The following OTOGL variants were observed in gnomAD, a reference collection of about 807,000 sequenced individuals.
OTOGL encodes otogelin-like protein.
A neutral mutation model predicts 318.5 loss-of-function variants in OTOGL; 285 were observed. The observed-to-expected ratio is 0.89, with a 90% CI of 0.81 to 0.99. The LOEUF (loss-of-function observed/expected upper bound fraction) is 0.99. OTOGL is among the 50% of genes least tolerant of loss of function. The probability of loss-of-function intolerance (pLI) is 0.00; values close to 1 mark genes in which losing one functional copy is unlikely to be tolerated. For missense variants in OTOGL, 2,899 were observed against 2,845.6 expected (o/e 1.02, Z -0.43); for synonymous variants, 987 against 936.5 (o/e 1.05, Z -0.99).
intron 52 of OTOGL, among the ~76,000 whole-genome samples, chr12:80,362,675 A>T (rs1890305064): frequency 6.6e-6 from 1 of 152,210 alleles, no homozygotes; most frequent in South Asian, 2.1e-4. Flanking sequence ...TCAGAATGTT[A>T]ATCACATTAT....
chr12:80,201,205 C>G (rs1374561271), intron 1 of OTOGL, among the ~76,000 whole-genome samples: 2 of 152,080 alleles, frequency 1.3e-5, no homozygotes, highest in African/African-American at 2.4e-5. Context: ...TGGTTGGAGT[C>G]TGTGTTGGTC....
intron 55 of OTOGL, 45 bp downstream of exon 55, chr12:80,368,354 G>A (rs372711025): frequency 2.1e-6 from 3 of 1,457,566 alleles, no homozygotes; most frequent in South Asian, 1.2e-5. Flanking sequence ...TTCTGAAGGA[G>A]GAGTTCTTGA....
chr12:80,362,803 G>C (rs1257847336), intron 52 of OTOGL, among the ~76,000 whole-genome samples: 12 of 151,964 alleles, frequency 7.9e-5, no homozygotes, highest in Non-Finnish European at 1.8e-4. Context: ...GGGGCTAATA[G>C]AAACGGAAGT....
At chr12:80,252,035 C>G (rs1881605392) in intron 12 of OTOGL, 41 bp from the exon 13 acceptor site, 1 of 1,454,922 alleles carries the variant, frequency 6.9e-7, no homozygotes, top group East Asian at 2.6e-5. Context: ...GAAATAGAGG[C>G]TAATAAAATT....
Position 80,181,041 on chromosome 12 carries a change from A to G in OTOGL, c.-19-28372A>G, listed in dbSNP as rs150662178. On this transcript the variant is annotated intron_variant, in intron 1 of 58. Transcript: ENST00000547103. ...ATGTTCAATAGCTTCCCTTAGGGCA[A>G]AGAGGTTATCTTGTTCAAATTTAGC... Among the ~76,000 whole-genome samples, 68 of 152,284 alleles carry G rather than the reference A, an allele frequency of 4.5e-4. 1 individual carries two copies. The highest frequency in any genetic ancestry group is 1.6e-3 in the African/African-American group (67 of 41,568).
chr12:80,319,537 C>A (rs1446279313), intron 33 of OTOGL, among the ~76,000 whole-genome samples: 1 of 152,120 alleles, frequency 6.6e-6, no homozygotes, highest in East Asian at 1.9e-4. Context: ...ACGCTGGTTA[C>A]ATTTTTTTCT....
intron 1 of OTOGL, among the ~76,000 whole-genome samples, chr12:80,199,573 G>C (rs188127360): frequency 6.6e-6 from 1 of 152,256 alleles, no homozygotes; most frequent in Non-Finnish European, 1.5e-5. Flanking sequence ...TAGATGATTT[G>C]TGTAAGTTTT....
At chr12:80,214,957 G>C (rs1048414643) in intron 4 of OTOGL, among the ~76,000 whole-genome samples, 1 of 152,152 alleles carries the variant, frequency 6.6e-6, no homozygotes, top group Admixed American at 6.5e-5. Context: ...AATGTATTAT[G>C]ATGTATGGGA....
chr12:80,361,103 T>A (rs1890214164), intron 52 of OTOGL: 1 of 151,994 alleles, frequency 6.6e-6, no homozygotes, highest in Admixed American at 6.6e-5. Flanking sequence ...TAACTGAAAT[T>A]TTGCATCCTT....
intron 19 of OTOGL, among the ~76,000 whole-genome samples, chr12:80,262,943 A>C (rs541696373): frequency 6.6e-6 from 1 of 152,236 alleles, no homozygotes; most frequent in South Asian, 2.1e-4. Context: ...TTGAGCTTTC[A>C]TAAGAAGCCA....
At chr12:80,219,949 T>C (rs371254852) in intron 6 of OTOGL, 37 bp downstream of exon 6, 31 of 1,321,422 alleles carry the variant, frequency 2.3e-5, no homozygotes, top group Non-Finnish European at 3.0e-5. Flanking sequence ...AATTATGAGA[T>C]ACCAAGGAGA....
rs532054801 is a variant in OTOGL at position 80,329,649 on chromosome 12, G to A, written c.4348+530G>A. Among the ~76,000 whole-genome samples the A allele has an allele frequency of 1.8e-4, 28 of 152,206 alleles. No individual in the cohort carries two copies. In the South Asian group the frequency reaches 5.6e-3, roughly 30 times the overall value. Reference sequence around the variant, plus strand: ...GGGCTCCTACCCTTGCTTTCCTCCCGCCCTGTGAAGCTTGCCTCAGGGAAG... The same window carrying A: ...GGGCTCCTACCCTTGCTTTCCTCCCACCCTGTGAAGCTTGCCTCAGGGAAG... On this transcript the variant is annotated intron_variant, in intron 37 of 58. Transcript: ENST00000547103.
intron 1 of OTOGL, among the ~76,000 whole-genome samples, chr12:80,126,908 A>G (rs925280487): frequency 1.3e-5 from 2 of 151,838 alleles, no homozygotes; most frequent in Non-Finnish European, 2.9e-5. Flanking sequence ...ATCTTCCTCC[A>G]CCCTTTTATT....
At chr12:80,258,615 T>G (rs1178642908) in intron 18 of OTOGL, among the ~76,000 whole-genome samples, 1 of 152,148 alleles carries the variant, frequency 6.6e-6, no homozygotes, top group Non-Finnish European at 1.5e-5. Flanking sequence ...TTAGTGTAAA[T>G]GCTTTGTGCA....
chr12:80,151,163 A>G (rs936918609), intron 1 of OTOGL, among the ~76,000 whole-genome samples: 2 of 152,202 alleles, frequency 1.3e-5, no homozygotes, highest in East Asian at 3.8e-4. Context: ...ATGAGTTTCT[A>G]ATTGAATAAG....
At chr12:80,295,529 C>A (rs1396154073) in intron 26 of OTOGL, among the ~76,000 whole-genome samples, 2 of 152,144 alleles carry the variant, frequency 1.3e-5, no homozygotes, top group Non-Finnish European at 2.9e-5. Flanking sequence ...TAAATGCTGA[C>A]CCATGTGTCT....
intron 1 of OTOGL, among the ~76,000 whole-genome samples, chr12:80,166,602 T>C (rs1010835122): frequency 2.6e-5 from 4 of 152,174 alleles, no homozygotes; most frequent in Non-Finnish European, 5.9e-5. Flanking sequence ...ATTCCAAAGA[T>C]AAACAGGCTC....
At chr12:80,298,344 C>T (rs184667074) in intron 27 of OTOGL, among the ~76,000 whole-genome samples, 225 of 152,230 alleles carry the variant, frequency 1.5e-3, no homozygotes, top group African/African-American at 4.8e-3. Context: ...AGTACTAACT[C>T]GGAACCTCTG....
intron 24 of OTOGL, among the ~76,000 whole-genome samples, chr12:80,277,467 C>T (rs2895791): frequency 0.037 from 2,678 of 72,432 alleles, 123 homozygotes; most frequent in East Asian, 0.2. Flanking sequence ...AAACTTTATA[C>T]TTAATTATAT....
Sources: gnomAD v4.1 joint callset for allele counts (sites outside exome capture counted in the v4.1 genomes callset) on GRCh38, gnomAD v4.1.1 for gene constraint, MANE v1.5 for transcripts, NCBI Gene and HGNC (gene_info 2026-07-23, HGNC 2026-07-21) for gene names.